CAPS2: variants seen among roughly 807,000 people sequenced by gnomAD.
CAPS2 encodes calcyphosin-2.
CAPS2 carries 98 observed loss-of-function variants against 86.5 expected under a neutral mutation model. That is an observed-to-expected ratio of 1.13 (90% confidence interval 0.96 to 1.34). CAPS2 has a LOEUF of 1.34. CAPS2 is among the 40% of genes most tolerant of loss of function. The pLI is 0.00. For missense variants in CAPS2, 729 were observed against 686.8 expected (o/e 1.06, Z -0.69); for synonymous variants, 210 against 225.1 (o/e 0.93, Z 0.60).
At chr12:75,375,881 T>G (rs1422054422) in intron 1 of CAPS2, among the ~76,000 whole-genome samples, 1 of 152,224 alleles carries the variant, frequency 6.6e-6, no homozygotes, top group Non-Finnish European at 1.5e-5. Flanking sequence ...CCATTGAATG[T>G]AAGTTTTCCA....
At chr12:75,296,681 G>T (rs941080610) in intron 11 of CAPS2, among the ~76,000 whole-genome samples, 1 of 152,096 alleles carries the variant, frequency 6.6e-6, no homozygotes, top group Admixed American at 6.5e-5. Flanking sequence ...CTTTTAAGGA[G>T]TGTTTAGAAA....
chr12:75,299,282 G>T (rs531816905), intron 9 of CAPS2, among the ~76,000 whole-genome samples: 2 of 152,088 alleles, frequency 1.3e-5, no homozygotes, highest in African/African-American at 2.4e-5. Context: ...TTGCAAGAAG[G>T]CACCCATAGA....
chr12:75,387,905 C>T (rs142948601), intron 1 of CAPS2, among the ~76,000 whole-genome samples: 67 of 152,266 alleles, frequency 4.4e-4, no homozygotes, highest in African/African-American at 1.5e-3. Flanking sequence ...AGTTATGATC[C>T]AGCAATCATG....
intron 1 of CAPS2, chr12:75,366,906 T>A (rs2044004503): frequency 2.8e-6 from 2 of 701,766 alleles, no homozygotes; most frequent in African/African-American, 3.5e-5. Context: ...GGCCACTGCA[T>A]GTCAAAAGGG....
chr12:75,312,499 G>T (rs540352308), intron 7 of CAPS2, among the ~76,000 whole-genome samples: 1 of 152,284 alleles, frequency 6.6e-6, no homozygotes, highest in South Asian at 2.1e-4. Flanking sequence ...GAGACACTGT[G>T]CAGTGCCCAT....
chr12:75,285,155 T>C, intron 14 of CAPS2, 75 bp from the exon 15 acceptor site: 1 of 1,430,706 alleles, frequency 7.0e-7, no homozygotes, highest in East Asian at 2.4e-5. Flanking sequence ...AGTTGTATTT[T>C]GTTACATCTT....
chr12:75,382,364 G>A (rs1371474976), intron 1 of CAPS2, among the ~76,000 whole-genome samples: 1 of 152,152 alleles, frequency 6.6e-6, no homozygotes, highest in African/African-American at 2.4e-5. Flanking sequence ...TGTAGACCAG[G>A]CATGGTGGCT....
In CAPS2 at chr12:75,359,357, C is replaced by CTTTTTTTTTTTTTT. The variant is rs61616225; in HGVS notation, c.-395+31467_-395+31480dup. On this transcript the variant is annotated intron_variant, in intron 1 of 5. Coordinates refer to the CAPS2 transcript ENST00000551829. ...GAGTTAGAAGACTCAGCATTGTTGT[C>CTTTTTTTTTTTTTT]TTTTTTTTTTTTTTTTTTTTTTTTT... 5.9e-4 allele frequency among the ~76,000 whole-genome samples: 17 copies of CTTTTTTTTTTTTTT among 28,588 alleles called. 2 individuals carry two copies. The highest frequency in any genetic ancestry group is 8.6e-4 in the Non-Finnish European group (13 of 15,186). The allele number at this position is 28,588 out of a possible 152,430, so 18.8% of individuals were successfully genotyped here. A position where few individuals can be genotyped will look rare whatever the true frequency, so the allele number is the denominator to read the frequency against.
At chr12:75,361,207 AT>A (rs1231452353) in intron 1 of CAPS2, among the ~76,000 whole-genome samples, 20 of 152,250 alleles carry the variant, frequency 1.3e-4, no homozygotes, top group African/African-American at 4.3e-4. Flanking sequence ...GCCAAAAAAA[AT>A]AAATAAATAA....
chr12:75,325,322 TA>T, intron 1 of CAPS2, 34 bp from the exon 3 acceptor site: 1 of 1,367,356 alleles, frequency 7.3e-7, no homozygotes, highest in South Asian at 1.3e-5. Flanking sequence ...TGAATCAGTA[TA>T]AATATGAATA....
At chr12:75,372,634 C>T (rs149076861) in intron 1 of CAPS2, among the ~76,000 whole-genome samples, 22 of 152,186 alleles carry the variant, frequency 1.4e-4, no homozygotes, top group African/African-American at 5.3e-4. Context: ...AGAAACTGTG[C>T]CATATATTGG....
At chr12:75,355,494 GAA>G (rs1346452965) in intron 1 of CAPS2, among the ~76,000 whole-genome samples, 1 of 152,150 alleles carries the variant, frequency 6.6e-6, no homozygotes, top group African/African-American at 2.4e-5. Context: ...AGGTTGTGGA[GAA>G]ATAGGAACGT....
upstream of CAPS2, chr12:75,335,039 C>A: frequency 1.3e-6 from 1 of 777,584 alleles, no homozygotes; most frequent in Non-Finnish European, 2.0e-6. Context: ...AAAATTCACA[C>A]CTTGGTTGGG....
intron 14 of CAPS2, among the ~76,000 whole-genome samples, chr12:75,286,875 C>T (rs531817169): frequency 2.0e-5 from 3 of 151,736 alleles, no homozygotes; most frequent in South Asian, 4.2e-4. Context: ...AATATGTTCC[C>T]TCTATGTTAG....
intron 1 of CAPS2, among the ~76,000 whole-genome samples, chr12:75,338,814 A>G (rs1326652118): frequency 7.0e-6 from 1 of 143,860 alleles, no homozygotes; most frequent in Non-Finnish European, 1.6e-5. Flanking sequence ...ATGTGTTCTC[A>G]TTGTTCAGCT....
chr12:75,362,024 T>G (rs1228049327), intron 1 of CAPS2, among the ~76,000 whole-genome samples: 1 of 152,064 alleles, frequency 6.6e-6, no homozygotes, highest in Non-Finnish European at 1.5e-5. Context: ...AAATTTAATG[T>G]CATTAAAATT....
upstream of CAPS2, chr12:75,329,799 C>T (rs2041131064): frequency 6.6e-7 from 1 of 1,525,420 alleles, no homozygotes; most frequent in Non-Finnish European, 8.8e-7. Flanking sequence ...CATCACTCCC[C>T]CTGCTCCCAA....
chr12:75,325,609 G>GT (rs201503579), intron 1 of CAPS2, among the ~76,000 whole-genome samples: 1,823 of 150,746 alleles, frequency 0.012, 30 homozygotes, highest in African/African-American at 0.042. Flanking sequence ...TAGGAAGCTT[G>GT]TTTTTTTTTG....
At chr12:75,308,927 G>T (rs2038836938) in intron 7 of CAPS2, among the ~76,000 whole-genome samples, 1 of 147,200 alleles carries the variant, frequency 6.8e-6, no homozygotes, top group African/African-American at 2.5e-5. Context: ...AAAAAAAGGG[G>T]GTAAGGAGCC....
Sources: allele counts gnomAD v4.1 joint callset (sites outside exome capture counted in the v4.1 genomes callset), GRCh38; gene constraint gnomAD v4.1.1; transcripts MANE v1.5; gene names NCBI Gene and HGNC (gene_info 2026-07-23, HGNC 2026-07-21).